CAPN13: variants seen among roughly 807,000 people sequenced by gnomAD.
CAPN13 encodes the protein calpain 13, also known as calpain-13.
A neutral mutation model predicts 98.4 loss-of-function variants in CAPN13; 90 were observed. That is an observed-to-expected ratio of 0.92 (90% CI 0.77 to 1.09). The LOEUF is 1.09. Ranked by LOEUF, CAPN13 falls within the 50% of genes least tolerant of loss-of-function variation. CAPN13 has a pLI of 0.00. For synonymous variants in CAPN13, 330 were observed against 305.5 expected (o/e 1.08, Z -0.84); for missense variants, 887 against 841.3 (o/e 1.05, Z -0.67).
rs1553321128 is a variant in CAPN13, at chr2:30,796,173, T to TATATATATACAC, written c.-32-8817_-32-8816insGTGTATATATAT. ...ATATATATATACATATATATGTGTG[T>TATATATATACAC]ATATATATATACATATATATGTGTG... On this transcript the variant is annotated intron_variant, in intron 1 of 22. Coordinates refer to ENST00000295055, the MANE Select transcript of CAPN13 (RefSeq NM_144575.3). 1.3e-3 allele frequency among the ~76,000 whole-genome samples: 178 copies of TATATATATACAC among 139,128 alleles called. 3 individuals are homozygous for TATATATATACAC. Among genetic ancestry groups the TATATATATACAC allele is most frequent in the African/African-American group, 4.9e-3 (171 of 34,862 alleles). The allele number at this position is 139,128 out of a possible 152,430, so 91.3% of individuals were successfully genotyped here. A position where few individuals can be genotyped will look rare whatever the true frequency, so the allele number is the denominator to read the frequency against.
intron 7 of CAPN13, among the ~76,000 whole-genome samples, chr2:30,758,758 CTCTTT>C (rs1257910128): frequency 1.5e-4 from 21 of 136,188 alleles, no homozygotes; most frequent in Non-Finnish European, 2.8e-4. Context: ...CTCCCTCCCT[CTCTTT>C]CCTTTCCTTC....
At chr2:30,796,014 A>G (rs1183074846) in intron 1 of CAPN13, among the ~76,000 whole-genome samples, 7 of 151,690 alleles carry the variant, frequency 4.6e-5, no homozygotes, top group South Asian at 4.1e-4. Flanking sequence ...TACTTAGGAA[A>G]TAAAGCTGGT....
At chr2:30,782,424 TTGGCTGTTTGCAGGGTC>T (rs1189158496) in intron 2 of CAPN13, among the ~76,000 whole-genome samples, 1 of 152,226 alleles carries the variant, frequency 6.6e-6, no homozygotes, top group Non-Finnish European at 1.5e-5. Flanking sequence ...TGAATGACAC[TTGGCTGTTTGCAGGGTC>T]ACTTTCTGCC....
At chr2:30,739,054 T>C (rs1671525678) in intron 15 of CAPN13, among the ~76,000 whole-genome samples, 1 of 152,138 alleles carries the variant, frequency 6.6e-6, no homozygotes, top group Non-Finnish European at 1.5e-5. Flanking sequence ...CAGGAAGCAA[T>C]TGAGGTTGGG....
intron 19 of CAPN13, 85 bp downstream of exon 19, chr2:30,734,364 G>C (rs1671248709): frequency 9.7e-7 from 1 of 1,032,776 alleles, no homozygotes; most frequent in African/African-American, 1.6e-5. Context: ...GCCTGGCACT[G>C]TTGTGCCAGC....
intron 18 of CAPN13, among the ~76,000 whole-genome samples, chr2:30,735,271 G>T (rs477229): frequency 0.61 from 92,654 of 152,040 alleles, 29,759 homozygotes; most frequent in African/African-American, 0.82. Context: ...TGCCTTGGAT[G>T]AGGTGTGTAA....
chr2:30,726,474 A>C (rs1361660143), intron 22 of CAPN13, among the ~76,000 whole-genome samples: 1 of 152,236 alleles, frequency 6.6e-6, no homozygotes, highest in Non-Finnish European at 1.5e-5. Context: ...TTTTGAATAT[A>C]TAAAATTCTA....
rs111811635 is a variant in CAPN13, at chr2:30,756,928, A to C, written c.866+1118T>G. Among the ~76,000 whole-genome samples the C allele has an allele frequency of 1.7e-3, 264 of 152,208 alleles. 1 individual carries two copies. The highest frequency in any genetic ancestry group is 6.2e-3 in the African/African-American group (257 of 41,520). On this transcript the variant is annotated intron_variant, in intron 8 of 22. Transcript: ENST00000295055. ...CATCCCAATCATACTTTCATCCCAC[A>C]CTGGCTGAGTGCCCAGGGGTGCCAA...
intron 20 of CAPN13, 83 bp downstream of exon 20, chr2:30,732,355 G>C (rs1671145135): frequency 1.3e-6 from 2 of 1,566,704 alleles, no homozygotes; most frequent in East Asian, 4.5e-5. Context: ...CGCAGACCTG[G>C]GGTGGGGTAG....
intron 4 of CAPN13, among the ~76,000 whole-genome samples, chr2:30,773,770 A>G (rs1345793133): frequency 2.6e-5 from 4 of 152,244 alleles, no homozygotes; most frequent in Non-Finnish European, 4.4e-5. Flanking sequence ...TCTCCTCTTT[A>G]TGATCTAATG....
At chr2:30,764,934 C>T (rs1673039170) in intron 5 of CAPN13, among the ~76,000 whole-genome samples, 1 of 152,128 alleles carries the variant, frequency 6.6e-6, no homozygotes, top group East Asian at 1.9e-4. Flanking sequence ...CCACTCGCCC[C>T]CAGATCATTA....
At chr2:30,748,213 G>T (rs954636126) in intron 11 of CAPN13, among the ~76,000 whole-genome samples, 12 of 152,146 alleles carry the variant, frequency 7.9e-5, no homozygotes, top group African/African-American at 2.2e-4. Flanking sequence ...GCAGACCAGG[G>T]GCCTCAGTTC....
chr2:30,794,219 C>A (rs951082281), intron 1 of CAPN13, among the ~76,000 whole-genome samples: 5 of 151,348 alleles, frequency 3.3e-5, no homozygotes, highest in Non-Finnish European at 5.9e-5. Flanking sequence ...AGAAAAAAAA[C>A]CCACTAAAAT....
intron 1 of CAPN13, chr2:30,806,278 G>C (rs1675617952): frequency 6.6e-6 from 1 of 152,132 alleles, no homozygotes; most frequent in South Asian, 2.1e-4. Context: ...TACAAAATGG[G>C]ATAATGAACT....
chr2:30,804,457 C>T (rs1675485629), intron 1 of CAPN13, among the ~76,000 whole-genome samples: 1 of 152,212 alleles, frequency 6.6e-6, no homozygotes, highest in Non-Finnish European at 1.5e-5. Context: ...CCCACCTCGG[C>T]CTCCCAAAGT....
At chr2:30,800,141 AAAG>A (rs1194470438) in intron 1 of CAPN13, among the ~76,000 whole-genome samples, 4 of 146,424 alleles carry the variant, frequency 2.7e-5, no homozygotes, top group African/African-American at 8.0e-5. Flanking sequence ...AGAAAGAAAG[AAAG>A]AAAGAAAGAA....
intron 22 of CAPN13, chr2:30,729,672 T>C (rs1670991658): frequency 6.6e-6 from 1 of 152,178 alleles, no homozygotes; most frequent in Non-Finnish European, 1.5e-5. Flanking sequence ...TTTGCGATCA[T>C]TAGAAAGCAT....
intron 21 of CAPN13, 48 bp from the exon 22 acceptor site, chr2:30,730,834 T>G (rs751412346): frequency 1.3e-6 from 1 of 780,404 alleles, no homozygotes; most frequent in Non-Finnish European, 2.4e-6. Context: ...ACTTGTTAGC[T>G]TAATACAGAG....
intron 19 of CAPN13, among the ~76,000 whole-genome samples, chr2:30,733,756 C>A (rs1360429493): frequency 1.3e-5 from 2 of 152,170 alleles, no homozygotes; most frequent in African/African-American, 4.8e-5. Context: ...TGGAGACTAT[C>A]CTTCCAGTGT....
Sources: allele counts gnomAD v4.1 joint callset (sites outside exome capture counted in the v4.1 genomes callset), GRCh38; gene constraint gnomAD v4.1.1; transcripts MANE v1.5; gene names NCBI Gene and HGNC (gene_info 2026-07-23, HGNC 2026-07-21).